The following FARP2 variants were observed in gnomAD, a reference collection of about 807,000 sequenced individuals.
The protein encoded by FARP2 is FERM, ARHGEF and pleckstrin domain-containing protein 2.
FARP2 carries 111 observed loss-of-function variants against 130.5 expected under a neutral mutation model. That is an observed-to-expected ratio of 0.85 (90% confidence interval 0.73 to 1.00). FARP2 has a LOEUF of 1.00. Ranked by LOEUF, FARP2 falls within the 50% of genes least tolerant of loss-of-function variation. FARP2 has a pLI of 0.00. For synonymous variants in FARP2, 504 were observed against 516.9 expected, an observed-to-expected ratio of 0.98 and a Z score of 0.34; for missense variants, 1,385 against 1,346.3, an observed-to-expected ratio of 1.03 and a Z score of -0.45.
intron 1 of FARP2, among the ~76,000 whole-genome samples, chr2:241,365,028 T>C (rs1161028345): frequency 1.3e-5 from 2 of 152,176 alleles, no homozygotes; most frequent in African/African-American, 4.8e-5. Context: ...AAGGCTGTAG[T>C]TTCTTATGGA....
intron 17 of FARP2, chr2:241,465,667 C>T: frequency 6.4e-7 from 1 of 1,550,956 alleles, no homozygotes; most frequent in Non-Finnish European, 8.7e-7. Context: ...TTCTCCCTCC[C>T]TCTCAGGCTG....
At chr2:241,413,164 A>C in intron 6 of FARP2, 143 bp from the exon 7 acceptor site, 1 of 568,262 alleles carries the variant, frequency 1.8e-6, no homozygotes, top group Admixed American at 3.0e-5. Flanking sequence ...GGAAAAATTA[A>C]ATAAAAAATC....
At chr2:241,461,334 C>G (rs781552843) in intron 14 of FARP2, among the ~76,000 whole-genome samples, 1 of 111,724 alleles carries the variant, frequency 9.0e-6, no homozygotes, top group Non-Finnish European at 2.1e-5. Context: ...CACCGGCAGC[C>G]TCTCTGCCCT....
chr2:241,489,937 C>G (rs754476561), intron 21 of FARP2, 25 bp from the exon 22 acceptor site: 31 of 1,543,740 alleles, frequency 2.0e-5, no homozygotes, highest in Non-Finnish European at 2.8e-5. Flanking sequence ...GGCCACAAGA[C>G]TTGGACCGTT....
At position 241,404,879 on chromosome 2, in the gene FARP2, TA is replaced by T. The variant is rs746247538; in HGVS notation, c.331+40del. 1.1e-4 allele frequency: 157 copies of T among 1,476,612 alleles called. No homozygotes were observed. The African/African-American group carries it at 2.0e-3, about 19-fold the overall frequency. The allele number at this position is 1,476,612 out of a possible 1,614,324, so 91.5% of individuals were successfully genotyped here. A position where few individuals can be genotyped will look rare whatever the true frequency, so the allele number is the denominator to read the frequency against. On this transcript the variant is annotated intron_variant, in intron 4 of 26. Coordinates refer to ENST00000264042, the MANE Select transcript of FARP2 (RefSeq NM_014808.4). The stretch of plus-strand genomic sequence containing the variant: ...TTTGACTCTTTAAAATCTGTTTGTT[TA>T]AGATGTGTTGTCCTGGAATGTTTAA...
At chr2:241,357,466 T>C (rs1287424114) in intron 1 of FARP2, among the ~76,000 whole-genome samples, 3 of 152,106 alleles carry the variant, frequency 2.0e-5, no homozygotes, top group Non-Finnish European at 4.4e-5. Context: ...TTGTTGAAAG[T>C]TTTGTTTTGT....
At chr2:241,440,956 G>C (rs1400215206) in intron 12 of FARP2, among the ~76,000 whole-genome samples, 5 of 152,090 alleles carry the variant, frequency 3.3e-5, no homozygotes, top group African/African-American at 1.2e-4. Context: ...TTTGAGCTAT[G>C]ATGGCACCAC....
intron 13 of FARP2, among the ~76,000 whole-genome samples, chr2:241,451,705 T>C (rs1055419123): frequency 6.6e-6 from 1 of 152,196 alleles, no homozygotes; most frequent in Non-Finnish European, 1.5e-5. Context: ...AAGCTAAACA[T>C]ATTCTGTGGC....
At chr2:241,366,109 A>ATATATATATACACG (rs1185330334) in intron 1 of FARP2, among the ~76,000 whole-genome samples, 1 of 16,986 alleles carries the variant, frequency 5.9e-5, no homozygotes, top group African/African-American at 2.0e-4. Context: ...AAAAAAATAT[A>ATATATATATACACG]TATATATATA....
At chr2:241,420,927 G>A (rs1486873647) in intron 8 of FARP2, among the ~76,000 whole-genome samples, 2 of 152,176 alleles carry the variant, frequency 1.3e-5, no homozygotes, top group African/African-American at 2.4e-5. Context: ...CACCACTCAC[G>A]AAGAGGAAAG....
chr2:241,373,853 T>C (rs981480357), intron 2 of FARP2, among the ~76,000 whole-genome samples: 1 of 152,198 alleles, frequency 6.6e-6, no homozygotes, highest in Non-Finnish European at 1.5e-5. Context: ...GATAGAAGAT[T>C]GCACTGGTAA....
chr2:241,491,324 C>G, intron 23 of FARP2, 145 bp downstream of exon 23: 3 of 858,062 alleles, frequency 3.5e-6, no homozygotes, highest in South Asian at 3.1e-5. Context: ...ACGCCTCATG[C>G]CTGGGCGGGA....
intron 14 of FARP2, 113 bp from the exon 15 acceptor site, chr2:241,462,410 T>C: frequency 1.5e-6 from 1 of 679,912 alleles, no homozygotes; most frequent in South Asian, 1.7e-5. Context: ...GAAAACCCCA[T>C]GACGATGTTA....
chr2:241,472,644 C>T (rs886178493), intron 18 of FARP2, among the ~76,000 whole-genome samples: 22 of 150,388 alleles, frequency 1.5e-4, no homozygotes, highest in African/African-American at 4.6e-4. Context: ...TCTGTGTAGA[C>T]GCTGTTCTGA....
chr2:241,408,767 A>G (rs984994146), intron 5 of FARP2, among the ~76,000 whole-genome samples: 2 of 152,198 alleles, frequency 1.3e-5, no homozygotes, highest in African/African-American at 4.8e-5. Flanking sequence ...GTGTACTCAT[A>G]AATGAATCAG....
chr2:241,387,653 C>T (rs576945899), intron 2 of FARP2, among the ~76,000 whole-genome samples: 4 of 151,982 alleles, frequency 2.6e-5, no homozygotes, highest in Non-Finnish European at 5.9e-5. Flanking sequence ...ATTAGCCAGG[C>T]GTGGTGGTGG....
rs759141744 is a variant in FARP2, at chr2:241,493,270, C to T, written c.2896-23C>T. ...CTGTGGCAACCCAGCCCCTGGAACC[C>T]GTGTCCCTATGCTGTCTTGCAGGAT... is the stretch of plus-strand genomic sequence containing the variant. On this transcript the variant is annotated intron_variant, in intron 25 of 26. Coordinates refer to ENST00000264042, the MANE Select transcript of FARP2 (RefSeq NM_014808.4). 2.4e-5 allele frequency: 38 copies of T among 1,610,442 alleles called. No homozygotes were observed. The Admixed American group carries it at 3.5e-4, about 15-fold the overall frequency.
intron 22 of FARP2, 59 bp from the exon 23 acceptor site, chr2:241,491,002 G>A: frequency 7.3e-7 from 1 of 1,361,202 alleles, no homozygotes; most frequent in Non-Finnish European, 1.1e-6. Context: ...CCTCCCTTGA[G>A]GGCTGGGGCC....
At chr2:241,462,450 A>C (rs2064045445) in intron 14 of FARP2, 73 bp from the exon 15 acceptor site, 2 of 1,049,726 alleles carry the variant, frequency 1.9e-6, no homozygotes, top group South Asian at 1.3e-5. Flanking sequence ...AACATTACCA[A>C]CTTCAGGCTC....
Sources: allele counts gnomAD v4.1 joint callset (sites outside exome capture counted in the v4.1 genomes callset), GRCh38; gene constraint gnomAD v4.1.1; transcripts MANE v1.5; gene names NCBI Gene and HGNC (gene_info 2026-07-23, HGNC 2026-07-21).